Variants in PHIP observed in about 807,000 individuals in gnomAD.
PHIP encodes PH-interacting protein.
PHIP carries 54 observed loss-of-function variants against 236.8 expected under a neutral mutation model. That is an observed-to-expected ratio of 0.23 (90% CI 0.18 to 0.29). The LOEUF is 0.29. Among genes scored for constraint, PHIP ranks in the 10% least tolerant of loss-of-function variants. The probability of loss-of-function intolerance (pLI) is 1.00; values close to 1 mark genes in which losing one functional copy is unlikely to be tolerated. For missense variants in PHIP, 1,370 were observed against 2,190.8 expected, an observed-to-expected ratio of 0.63 and a Z score of 7.48; for synonymous variants, 756 against 718.9, an observed-to-expected ratio of 1.05 and a Z score of -0.83.
intron 28 of PHIP, 58 bp downstream of exon 28, chr6:78,965,887 G>A (rs1767095005): frequency 6.8e-6 from 9 of 1,326,932 alleles, no homozygotes; most frequent in Admixed American, 5.2e-5. Context: ...CTTAATAGAT[G>A]GAAAAAAAAA....
In PHIP at chr6:78,955,419, A is replaced by C. The variant is rs890797859; in HGVS notation, c.3853-137T>G. 87 of 642,414 alleles carry C rather than the reference A, an allele frequency of 1.4e-4. No individual in the cohort carries two copies. In the African/African-American group the frequency reaches 1.6e-3, roughly 12 times the overall value. The allele number at this position is 642,414 out of a possible 1,614,324, so 39.8% of individuals were successfully genotyped here. On this transcript the variant is annotated intron_variant, in intron 33 of 39. Coordinates refer to ENST00000275034, the MANE Select transcript of PHIP (RefSeq NM_017934.7). ...TGCTGGGGCACTTTATTGACTCATT[A>C]AAAAGGTTCCCCCCATTAAAAAATT...
At chr6:78,971,896 G>C (rs1390588432) in intron 24 of PHIP, among the ~76,000 whole-genome samples, 2 of 152,162 alleles carry the variant, frequency 1.3e-5, no homozygotes, top group African/African-American at 2.4e-5. Context: ...GAGTCTCGCT[G>C]ATTGCTAGCA....
intron 17 of PHIP, 136 bp downstream of exon 17, chr6:79,001,763 G>T (rs1448315291): frequency 3.3e-6 from 2 of 611,564 alleles, no homozygotes; most frequent in Middle Eastern, 2.6e-4. Context: ...CATGATCAAA[G>T]ACCTGTATAA....
chr6:78,970,228 G>C, intron 25 of PHIP, 55 bp from the exon 26 acceptor site: 2 of 1,484,356 alleles, frequency 1.3e-6, no homozygotes, highest in African/African-American at 1.4e-5. Flanking sequence ...CCACAAAATA[G>C]ACTGCTAAAC....
At chr6:78,962,717 T>G (rs1276678615) in intron 30 of PHIP, among the ~76,000 whole-genome samples, 1 of 152,126 alleles carries the variant, frequency 6.6e-6, no homozygotes, top group Admixed American at 6.6e-5. Flanking sequence ...GTGTGTATAT[T>G]AAGTTGGGGG....
chr6:78,950,716 A>G (rs1275766368), intron 35 of PHIP, among the ~76,000 whole-genome samples: 5 of 152,138 alleles, frequency 3.3e-5, no homozygotes, highest in East Asian at 1.9e-4. Flanking sequence ...GATATTAACA[A>G]TCTGTCTTCT....
At chr6:78,941,613 T>C (rs1388832764) in intron 39 of PHIP, among the ~76,000 whole-genome samples, 2 of 152,188 alleles carry the variant, frequency 1.3e-5, no homozygotes, top group Non-Finnish European at 2.9e-5. Context: ...AAAGCTGGGA[T>C]GACTAAAGGT....
chr6:78,958,036 T>C (rs1766540962), intron 32 of PHIP: 1 of 154,746 alleles, frequency 6.5e-6, no homozygotes, highest in Admixed American at 6.4e-5. Context: ...TGCAACCTTA[T>C]ACATGTTAAC....
intron 7 of PHIP, among the ~76,000 whole-genome samples, chr6:79,038,500 A>C (rs1354397839): frequency 6.6e-6 from 1 of 152,214 alleles, no homozygotes; most frequent in Non-Finnish European, 1.5e-5. Context: ...GCAGTCATCA[A>C]TTACCTTGAC....
intron 4 of PHIP, among the ~76,000 whole-genome samples, chr6:79,065,024 G>T (rs1773557426): frequency 6.6e-6 from 1 of 152,128 alleles, no homozygotes; most frequent in Non-Finnish European, 1.5e-5. Flanking sequence ...CCAAGGAGCT[G>T]CATTTTGCAC....
At chr6:79,073,606 C>T (rs891371072) in intron 4 of PHIP, among the ~76,000 whole-genome samples, 14 of 151,768 alleles carry the variant, frequency 9.2e-5, no homozygotes, top group Non-Finnish European at 1.6e-4. Context: ...AGGTTTTATA[C>T]CTTAACTTTC....
rs368780280 is a variant in PHIP, at chr6:79,046,452, AT to A, written c.440-3450del. Among the ~76,000 whole-genome samples the A allele has an allele frequency of 1.8e-3, 268 of 152,226 alleles. 1 individual carries two copies. The highest frequency in any genetic ancestry group is 5.4e-3 in the African/African-American group (226 of 41,524). On this transcript the variant is annotated intron_variant, in intron 6 of 39. Coordinates refer to ENST00000275034, the MANE Select transcript of PHIP (RefSeq NM_017934.7). The stretch of plus-strand genomic sequence containing the variant: ...ACCTATTTAATTATTTATTATATTC[AT>A]TGCTTATTTCCTGCCTGCTCCTACT...
At chr6:78,942,102 A>T (rs1427421423) in intron 39 of PHIP, among the ~76,000 whole-genome samples, 1 of 152,174 alleles carries the variant, frequency 6.6e-6, no homozygotes, top group East Asian at 1.9e-4. Flanking sequence ...TTTTGAGGAA[A>T]TTCATAGATG....
At chr6:79,048,819 C>T (rs972942609) in intron 6 of PHIP, among the ~76,000 whole-genome samples, 4 of 152,116 alleles carry the variant, frequency 2.6e-5, no homozygotes, top group African/African-American at 7.2e-5. Flanking sequence ...GAAAGCAGAG[C>T]CCTGCTGGCA....
chr6:78,970,153 T>C lies in PHIP; in HGVS notation c.3018A>G (p.Ile1006Met). The C allele has an allele frequency of 6.2e-7, 1 of 1,612,100 alleles. No individual in the cohort carries two copies. The highest frequency in any genetic ancestry group is 8.5e-7 in the Non-Finnish European group (1 of 1,178,450). ...MELREQELMK[I>M]VGIKYEVGLP... is the part of the protein sequence containing the mutation. ...ATCCCACTTCATACTTTATGCCAACTATTTTCATAAGTTCTTGTTCCTGAG... is the reference window on the plus strand; with the variant it reads ...ATCCCACTTCATACTTTATGCCAACCATTTTCATAAGTTCTTGTTCCTGAG... Residue 1006 changes from isoleucine to methionine, a missense_variant, in exon 26 of 40, where the codon ATA becomes ATG. Ile to Met is a conservative substitution (Grantham distance 10). Transcript: ENST00000275034.
At chr6:78,983,478 T>C (rs967806248) in intron 22 of PHIP, among the ~76,000 whole-genome samples, 2 of 152,254 alleles carry the variant, frequency 1.3e-5, no homozygotes, top group African/African-American at 2.4e-5. Flanking sequence ...CTCAGTTCTA[T>C]TGACAGCAAA....
intron 9 of PHIP, among the ~76,000 whole-genome samples, chr6:79,020,650 G>T (rs1771071618): frequency 6.6e-6 from 1 of 152,004 alleles, no homozygotes; most frequent in Non-Finnish European, 1.5e-5. Flanking sequence ...ATTTTTAAAA[G>T]GTTTTTATTT....
At chr6:78,998,163 A>T in intron 18 of PHIP, 91 bp downstream of exon 18, 1 of 893,612 alleles carries the variant, frequency 1.1e-6, no homozygotes, top group South Asian at 1.7e-5. Flanking sequence ...TTACGGATGT[A>T]CCATAATTTT....
Position 79,015,205 on chromosome 6 carries a change from A to G in PHIP, c.1401T>C (p.Asp467=). ...QLIHVLMGHE[D]EVFVLEPHPF... The stretch of plus-strand genomic sequence containing the variant: ...GGTGTGGTTCAAGAACAAATACCTC[A>G]TCTTCATGACCCTGAAATATTTTTG... Residue 467 remains aspartate, a synonymous_variant, in exon 15 of 40, where the codon GAT becomes GAC. Transcript: ENST00000275034. 1 of 1,608,400 alleles carries G rather than the reference A, an allele frequency of 6.2e-7. No individual in the cohort carries two copies. The highest frequency in any genetic ancestry group is 2.2e-5 in the East Asian group (1 of 44,768).
Sources: gnomAD v4.1 joint callset for allele counts (sites outside exome capture counted in the v4.1 genomes callset) on GRCh38, gnomAD v4.1.1 for gene constraint, MANE v1.5 for transcripts, NCBI Gene and HGNC (gene_info 2026-07-23, HGNC 2026-07-21) for gene names.